Variants in DERPC observed in about 807,000 individuals in gnomAD.
DERPC encodes decreased expression in renal and prostate cancer protein.
In DERPC, 1 loss-of-function variant was observed where a neutral mutation model predicts 7.2. The observed-to-expected ratio is 0.14, with a 90% CI of 0.05 to 0.66. DERPC has a LOEUF of 0.66. Ranked by LOEUF, DERPC falls within the 30% of genes least tolerant of loss-of-function variation. The pLI is 0.84. For missense variants in DERPC, 502 were observed against 299.4 expected (o/e 1.68, Z -4.99); for synonymous variants, 185 against 117.6 (o/e 1.57, Z -3.71).
intron 1 of DERPC, among the ~76,000 whole-genome samples, chr16:69,127,386 T>G (rs1962144456): frequency 6.6e-6 from 1 of 151,900 alleles, no homozygotes; most frequent in South Asian, 2.1e-4. Context: ...CAATGGAAAT[T>G]ATCTGTATAA....
chr16:69,118,161 C>CAGTTT lies in DERPC; in HGVS notation c.*688_*692dup. ...CTAATTCCCATATTCCCATCCACATCAGTTTAAATTTTGAGGTTCTTTGAT... is the reference window on the plus strand; with the variant it reads ...CTAATTCCCATATTCCCATCCACATCAGTTTAGTTTAAATTTTGAGGTTCTTTGAT... On this transcript the variant is annotated 3_prime_UTR_variant, in exon 3 of 3. Coordinates refer to ENST00000519520, the MANE Select transcript of DERPC (RefSeq NM_001002847.4). The CAGTTT allele has an allele frequency of 2.7e-6, 1 of 365,278 alleles. No individual in the cohort carries two copies. The highest frequency in any genetic ancestry group is 5.3e-6 in the Non-Finnish European group (1 of 189,030). The allele number at this position is 365,278 out of a possible 1,614,324, so 22.6% of individuals were successfully genotyped here. A position where few individuals can be genotyped will look rare whatever the true frequency, so the allele number is the denominator to read the frequency against.
intron 1 of DERPC, among the ~76,000 whole-genome samples, chr16:69,124,533 C>G (rs1380214978): frequency 6.6e-6 from 1 of 151,860 alleles, no homozygotes; most frequent in Non-Finnish European, 1.5e-5. Context: ...AAGTGATTCT[C>G]TTGCCTCAGC....
intron 2 of DERPC, chr16:69,121,199 A>G: frequency 1.3e-6 from 2 of 1,592,890 alleles, no homozygotes; most frequent in Non-Finnish European, 8.6e-7. Flanking sequence ...CGGTTACAAT[A>G]TTTTTGAGGG....
intron 1 of DERPC, among the ~76,000 whole-genome samples, chr16:69,130,902 A>G (rs1322327318): frequency 6.6e-6 from 1 of 152,238 alleles, no homozygotes; most frequent in Non-Finnish European, 1.5e-5. Context: ...AAACTGCTTC[A>G]GGGATTAAGT....
chr16:69,126,851 G>A (rs942361749), intron 1 of DERPC, among the ~76,000 whole-genome samples: 1 of 152,148 alleles, frequency 6.6e-6, no homozygotes, highest in Non-Finnish European at 1.5e-5. Flanking sequence ...CCACACAACT[G>A]TTTCTAGGGC....
chr16:69,118,306 G>A lies in DERPC; in HGVS notation c.*548C>T. On this transcript the variant is annotated 3_prime_UTR_variant, in exon 3 of 3. Coordinates refer to ENST00000519520, the MANE Select transcript of DERPC (RefSeq NM_001002847.4). ...GTCAGTCAAGCAGAAACTGCATTCG[G>A]TGGGTCTTTCTTTGAAGTGGTTGTC... The A allele has an allele frequency of 8.5e-7, 1 of 1,176,804 alleles. No individual in the cohort carries two copies. Among genetic ancestry groups the A allele is most frequent in the Non-Finnish European group, 1.3e-6 (1 of 781,690 alleles). The allele number at this position is 1,176,804 out of a possible 1,614,324, so 72.9% of individuals were successfully genotyped here. A position where few individuals can be genotyped will look rare whatever the true frequency, so the allele number is the denominator to read the frequency against.
At position 69,120,984 on chromosome 16, in the gene DERPC, C is replaced by G. The variant is rs1345380004; in HGVS notation, c.-221-335G>C. 7.5e-7 allele frequency: 1 copy of G among 1,327,732 alleles called. No homozygotes were observed. The highest frequency in any genetic ancestry group is 1.2e-5 in the South Asian group (1 of 85,374). The allele number at this position is 1,327,732 out of a possible 1,614,324, so 82.2% of individuals were successfully genotyped here. ...ACCTGAGGCAGTCCTCACTCTGGGT[C>G]CTGGGAGCACCACCTTGGTGTAGCT... On this transcript the variant is annotated intron_variant, in intron 2 of 2. Coordinates refer to ENST00000519520, the MANE Select transcript of DERPC (RefSeq NM_001002847.4). This position sits in a 1 kb window ranked among gnomAD's most constrained non-coding sequence, Gnocchi z 4.0.
At chr16:69,128,182 G>A (rs193150613) in intron 1 of DERPC, among the ~76,000 whole-genome samples, 5 of 152,282 alleles carry the variant, frequency 3.3e-5, no homozygotes, top group Non-Finnish European at 5.9e-5. Context: ...CAAAGTGCCA[G>A]GATTACAGGC....
At chr16:69,123,311 G>A (rs567411973) in intron 1 of DERPC, among the ~76,000 whole-genome samples, 1 of 152,260 alleles carries the variant, frequency 6.6e-6, no homozygotes, top group Admixed American at 6.5e-5. Flanking sequence ...AATGATGTAA[G>A]CTTCAAGTCT....
intron 2 of DERPC, chr16:69,121,078 A>T: frequency 1.2e-6 from 2 of 1,614,068 alleles, no homozygotes. Flanking sequence ...TAGGTCTCCC[A>T]GGAGGTTTCC....
intron 1 of DERPC, among the ~76,000 whole-genome samples, chr16:69,123,855 A>G (rs967051548): frequency 6.6e-5 from 10 of 151,672 alleles, no homozygotes; most frequent in Admixed American, 4.6e-4. Flanking sequence ...TGGGAGACCA[A>G]AGTGGGTGGA....
chr16:69,130,149 A>G (rs1177282035), intron 1 of DERPC, among the ~76,000 whole-genome samples: 1 of 152,238 alleles, frequency 6.6e-6, no homozygotes, highest in Non-Finnish European at 1.5e-5. Flanking sequence ...CTGAGCAATG[A>G]TCCTCATAAT....
chr16:69,124,594 C>CG lies in DERPC; in HGVS notation c.-279-3102dup, dbSNP rs1199212566. 5.9e-5 allele frequency among the ~76,000 whole-genome samples: 9 copies of CG among 151,544 alleles called. No individual in the cohort carries two copies. The Middle Eastern group carries it at 0.01, about 172-fold the overall frequency. On this transcript the variant is annotated intron_variant, in intron 1 of 2. Transcript: ENST00000519520. ...GCCCGCCACCACGCCAGGCTGGTCTCGAACTTCTGACCTGAGGTGATCCAC... is the reference window on the plus strand; with the variant it reads ...GCCCGCCACCACGCCAGGCTGGTCTCGGAACTTCTGACCTGAGGTGATCCAC...
chr16:69,125,946 T>C (rs1962030468), intron 1 of DERPC, among the ~76,000 whole-genome samples: 1 of 152,194 alleles, frequency 6.6e-6, no homozygotes, highest in Non-Finnish European at 1.5e-5. Flanking sequence ...TCTATTGAGA[T>C]GAACTAAGTT....
chr16:69,121,218 T>C, intron 2 of DERPC: 1 of 1,528,336 alleles, frequency 6.5e-7, no homozygotes, highest in Non-Finnish European at 9.0e-7. Context: ...GGGTGAAGGA[T>C]GAATAGTGTC....
At chr16:69,121,636 G>C (rs941988654) in intron 1 of DERPC, 143 bp from the exon 2 acceptor site, 1 of 529,030 alleles carries the variant, frequency 1.9e-6, no homozygotes, top group African/African-American at 2.0e-5. Flanking sequence ...CACCACTATG[G>C]CCAGCTAACT....
rs1961650337 is a variant in DERPC, at chr16:69,121,442, A to G, written c.-228T>C. The G allele has an allele frequency of 7.5e-6, 12 of 1,607,686 alleles. No individual in the cohort carries two copies. Among genetic ancestry groups the G allele is most frequent in the Non-Finnish European group, 1.0e-5 (12 of 1,178,272 alleles). On this transcript the variant is annotated 5_prime_UTR_variant, in exon 2 of 3. Transcript: ENST00000519520. ...AATCTCAAAATGTACTTACCTGGAA[A>G]TAACAATTTGCACCATGAGCTTTCT...
In DERPC at chr16:69,120,300, T is replaced by G. The variant is rs1201568085; in HGVS notation, c.129A>C (p.Pro43=). The G allele has an allele frequency of 1.1e-6, 1 of 876,376 alleles. No individual in the cohort carries two copies. The highest frequency in any genetic ancestry group is 1.6e-5 in the African/African-American group (1 of 60,626). The allele number at this position is 876,376 out of a possible 1,614,324, so 54.3% of individuals were successfully genotyped here. A position where few individuals can be genotyped will look rare whatever the true frequency, so the allele number is the denominator to read the frequency against. Residue 43 remains proline (P), a synonymous_variant, in exon 3 of 3, where the codon CCA becomes CCC. Transcript: ENST00000519520. This position sits in a 1 kb window ranked among gnomAD's most constrained non-coding sequence, Gnocchi z 4.0. ...QGGPVLNTGH[P]LGVNSDPFLM... is the part of the protein sequence containing the mutation. ...GGAAGGGATCCGAGTTCACACCCAG[T>G]GGGTGGCCTGTGTTCAGAACAGGAC...
intron 2 of DERPC, chr16:69,121,029 G>A: frequency 6.3e-7 from 1 of 1,587,444 alleles, no homozygotes; most frequent in Non-Finnish European, 8.7e-7. Context: ...GAGGCATTAG[G>A]CAGGGAAAGA....
Sources: allele counts gnomAD v4.1 joint callset (sites outside exome capture counted in the v4.1 genomes callset), GRCh38; gene constraint gnomAD v4.1.1; non-coding constraint Gnocchi (gnomAD v3.1); transcripts MANE v1.5; gene names NCBI Gene and HGNC (gene_info 2026-07-23, HGNC 2026-07-21).